The following SUCO variants were observed in gnomAD, a reference collection of about 807,000 sequenced individuals.
SUCO encodes the protein SUN domain containing ossification factor.
A neutral mutation model predicts 148.1 loss-of-function variants in SUCO; 57 were observed. That is an observed-to-expected ratio of 0.38 (90% CI 0.31 to 0.48). The LOEUF (loss-of-function observed/expected upper bound fraction) is 0.48. Among genes scored for constraint, SUCO ranks in the 20% least tolerant of loss-of-function variants. The pLI is 0.96. For missense variants in SUCO, 1,331 were observed against 1,468.2 expected (o/e 0.91, Z 1.53); for synonymous variants, 470 against 502.7 (o/e 0.93, Z 0.87).
intron 19 of SUCO, among the ~76,000 whole-genome samples, chr1:172,593,459 A>G (rs574551990): frequency 2.2e-4 from 33 of 152,294 alleles, no homozygotes; most frequent in Non-Finnish European, 4.1e-4. Context: ...ATCAATACCT[A>G]GTTAATTGAG....
chr1:172,562,888 G>T (rs1408555907), intron 6 of SUCO, among the ~76,000 whole-genome samples: 1 of 152,060 alleles, frequency 6.6e-6, no homozygotes, highest in Non-Finnish European at 1.5e-5. Context: ...GAATTGTGGG[G>T]GTGGAATTTC....
intron 1 of SUCO, among the ~76,000 whole-genome samples, chr1:172,540,632 T>G (rs1652380565): frequency 6.6e-6 from 1 of 152,168 alleles, no homozygotes; most frequent in Admixed American, 6.5e-5. Flanking sequence ...AAGGCTTGAC[T>G]TGGGTTTAAG....
intron 6 of SUCO, among the ~76,000 whole-genome samples, chr1:172,563,827 G>GC (rs1232256755): frequency 3.9e-5 from 6 of 152,312 alleles, no homozygotes; most frequent in Middle Eastern, 3.4e-3. Flanking sequence ...CTTCATGGCA[G>GC]CCCCTCCCAT....
intron 15 of SUCO, among the ~76,000 whole-genome samples, chr1:172,582,800 G>A (rs1035463008): frequency 6.6e-6 from 1 of 152,064 alleles, no homozygotes; most frequent in African/African-American, 2.4e-5. Context: ...GAAGAAATTT[G>A]CTAAATTTTG....
chr1:172,543,164 TC>T, intron 1 of SUCO: 1 of 257,114 alleles, frequency 3.9e-6, no homozygotes. Context: ...GAAATATCTT[TC>T]AAAGGCTCCT....
intron 20 of SUCO, among the ~76,000 whole-genome samples, chr1:172,600,790 A>T (rs1408601281): frequency 6.6e-6 from 1 of 151,832 alleles, no homozygotes; most frequent in Non-Finnish European, 1.5e-5. Context: ...GGCTTATCTG[A>T]GGAGGTGGTA....
rs949319536 is a variant in SUCO, at chr1:172,535,621, G to A, written c.62+2124G>A. 3.9e-5 allele frequency among the ~76,000 whole-genome samples: 6 copies of A among 152,248 alleles called. No individual in the cohort carries two copies. The East Asian group carries it at 1.2e-3, about 29-fold the overall frequency. On this transcript the variant is annotated intron_variant, in intron 1 of 23. Transcript: ENST00000263688. ...CTTTAACAGAAATGGCTACCAACAA[G>A]TCCTAGGGTTAGATAAAACGTTTGC...
At chr1:172,556,799 A>G (rs1257722783) in intron 4 of SUCO, 3 of 904,324 alleles carry the variant, frequency 3.3e-6, no homozygotes, top group Middle Eastern at 5.7e-4. Context: ...GCTAGATACT[A>G]TATATCTGAA....
In SUCO at chr1:172,533,323, G is replaced by C; in HGVS notation, c.-113G>C. 1 of 1,551,306 alleles carries C rather than the reference G, an allele frequency of 6.4e-7. No individual in the cohort carries two copies. On this transcript the variant is annotated 5_prime_UTR_variant, in exon 1 of 24. Transcript: ENST00000263688. ...CGCTCAGCCAGCGCCATAGCCCTTA[G>C]GACTATCGGTCACATTCTCGCGCTC...
Position 172,553,362 on chromosome 1 carries a change from G to T in SUCO, c.280G>T (p.Asp94Tyr), listed in dbSNP as rs1257138649. 16 of 1,584,644 alleles carry T rather than the reference G, an allele frequency of 1.0e-5. No homozygotes were observed. In the Admixed American group the frequency reaches 2.8e-4, roughly 27 times the overall value. The change falls in exon 3 of 24, where the codon GAT (aspartate) becomes TAT (tyrosine). Residue 94 changes from aspartate to tyrosine, a missense_variant. By Grantham distance (160) the Asp-to-Tyr change is radical. Transcript: ENST00000263688. ...EHKLKDDSIV[D>Y]VQNTESKKLS... ...TAAATTAAAAGATGATTCTATTGTG[G>T]ATGTACAAGTAAGCTATGTCGCTTT...
chr1:172,600,696 ATGTGTGTGTGTGTGTGTGTGTGTGTG>A (rs61681764), intron 20 of SUCO, among the ~76,000 whole-genome samples: 9 of 148,958 alleles, frequency 6.0e-5, no homozygotes, highest in Non-Finnish European at 1.3e-4. Context: ...AGAAAATTAA[ATGTGTGTGTGTGTGTGTGTGTGTGTG>A]TGTGTGTGTA....
intron 15 of SUCO, among the ~76,000 whole-genome samples, chr1:172,583,119 A>G (rs1314009071): frequency 1.3e-5 from 2 of 152,156 alleles, no homozygotes; most frequent in African/African-American, 2.4e-5. Flanking sequence ...ATCATAAATA[A>G]TATTGCAGTA....
chr1:172,550,955 G>C, intron 1 of SUCO: 8 of 797,124 alleles, frequency 1.0e-5, no homozygotes, highest in Non-Finnish European at 1.2e-5. Context: ...TTCTCCTTTG[G>C]TATGTTCCTA....
chr1:172,572,858 CCAGTGCTGTGTATA>C (rs774349749), intron 9 of SUCO, among the ~76,000 whole-genome samples: 1 of 152,004 alleles, frequency 6.6e-6, no homozygotes, highest in Non-Finnish European at 1.5e-5. Context: ...AGTAGGCCAT[CCAGTGCTGTGTATA>C]CCCAGAGTGT....
chr1:172,533,071 T>G (rs969792096), upstream of SUCO: 140 of 1,429,300 alleles, frequency 9.8e-5, no homozygotes, highest in Non-Finnish European at 1.2e-4. Context: ...CCGCCGGCGA[T>G]TGGCTGTTGA....
At chr1:172,579,544 A>G (rs1655719374) in intron 15 of SUCO, among the ~76,000 whole-genome samples, 1 of 152,136 alleles carries the variant, frequency 6.6e-6, no homozygotes, top group Non-Finnish European at 1.5e-5. Flanking sequence ...AGAAAGGGCT[A>G]TGGATTTTCT....
chr1:172,549,083 A>G (rs1470486197), intron 1 of SUCO, among the ~76,000 whole-genome samples: 1 of 151,744 alleles, frequency 6.6e-6, no homozygotes, highest in African/African-American at 2.4e-5. Flanking sequence ...AATGTTTTCC[A>G]TCTTGTTTGG....
At chr1:172,598,957 G>A (rs963906935) in intron 19 of SUCO, among the ~76,000 whole-genome samples, 1 of 152,134 alleles carries the variant, frequency 6.6e-6, no homozygotes, top group South Asian at 2.1e-4. Flanking sequence ...CCACACACAG[G>A]TACACAGCTT....
intron 6 of SUCO, 63 bp downstream of exon 6, chr1:172,557,857 G>C: frequency 7.7e-7 from 1 of 1,296,208 alleles, no homozygotes; most frequent in Non-Finnish European, 1.1e-6. Flanking sequence ...TATTAGCTAA[G>C]CTTATAATAA....
Sources: gnomAD v4.1 joint callset for allele counts (sites outside exome capture counted in the v4.1 genomes callset) on GRCh38, gnomAD v4.1.1 for gene constraint, MANE v1.5 for transcripts, NCBI Gene and HGNC (gene_info 2026-07-23, HGNC 2026-07-21) for gene names.